The following CLIP1 variants were observed in gnomAD, a reference collection of about 807,000 sequenced individuals.
The protein encoded by CLIP1 is CAP-Gly domain containing linker protein 1, also known as CAP-Gly domain-containing linker protein 1.
CLIP1 carries 66 observed loss-of-function variants against 161.6 expected under a neutral mutation model. That is an observed-to-expected ratio of 0.41 (90% CI 0.33 to 0.50). The LOEUF is 0.50. Among genes scored for constraint, CLIP1 ranks in the 20% least tolerant of loss-of-function variants. The probability of loss-of-function intolerance (pLI) is 0.27; values close to 1 mark genes in which losing one functional copy is unlikely to be tolerated. For missense variants in CLIP1, 1,376 were observed against 1,702.0 expected (o/e 0.81, Z 3.37); for synonymous variants, 598 against 626.2 (o/e 0.96, Z 0.67).
At chr12:122,338,384 T>A (rs116115641) in intron 11 of CLIP1, among the ~76,000 whole-genome samples, 8,713 of 152,196 alleles carry the variant, frequency 0.057, 796 homozygotes, top group African/African-American at 0.2. Flanking sequence ...TATTTGTGTA[T>A]ATGCTTAAAG....
chr12:122,297,911 G>T (rs192561372), intron 20 of CLIP1, among the ~76,000 whole-genome samples: 3 of 152,260 alleles, frequency 2.0e-5, no homozygotes, highest in African/African-American at 7.2e-5. Flanking sequence ...TTCCGGCAGG[G>T]TCATGTCGCC....
intron 21 of CLIP1, among the ~76,000 whole-genome samples, chr12:122,283,545 G>A (rs927585245): frequency 4.1e-5 from 6 of 147,692 alleles, no homozygotes; most frequent in Non-Finnish European, 5.9e-5. Context: ...TGTAACCTCC[G>A]CCTCCTGAGT....
chr12:122,333,730 G>A (rs1952089871), intron 14 of CLIP1, among the ~76,000 whole-genome samples: 1 of 152,200 alleles, frequency 6.6e-6, no homozygotes, highest in Non-Finnish European at 1.5e-5. Context: ...CAGCAGCAGT[G>A]AGCCCCAAGG....
At chr12:122,351,027 G>A in intron 9 of CLIP1, 84 bp downstream of exon 9, 1 of 1,032,914 alleles carries the variant, frequency 9.7e-7, no homozygotes, top group Non-Finnish European at 1.4e-6. Context: ...TGCAGTTAGT[G>A]TTTGAGTATA....
At chr12:122,291,378 C>T (rs981027354) in intron 20 of CLIP1, among the ~76,000 whole-genome samples, 80 of 135,782 alleles carry the variant, frequency 5.9e-4, no homozygotes, top group Middle Eastern at 4.9e-3. Context: ...TTAGTAGAGA[C>T]GGGGTTTCAT....
chr12:122,355,400 G>A lies in CLIP1; in HGVS notation c.1006-88C>T, dbSNP rs1566162154. ...ATGCATGCATGGCGGGCATCTGCTC[G>A]GCAAAGCAAGGGCGCTGCTCCAGCT... On this transcript the variant is annotated intron_variant, in intron 5 of 25. Coordinates refer to ENST00000620786, the MANE Select transcript of CLIP1 (RefSeq NM_001247997.2). This position sits in a 1 kb window ranked among gnomAD's most constrained non-coding sequence, Gnocchi z 4.1. The A allele has an allele frequency of 9.2e-6, 11 of 1,198,532 alleles. No individual in the cohort carries two copies. Among genetic ancestry groups the A allele is most frequent in the South Asian group, 1.4e-5 (1 of 72,366 alleles). The allele number at this position is 1,198,532 out of a possible 1,614,324, so 74.2% of individuals were successfully genotyped here.
At chr12:122,349,928 G>A (rs756159069) in intron 9 of CLIP1, among the ~76,000 whole-genome samples, 3 of 150,930 alleles carry the variant, frequency 2.0e-5, no homozygotes, top group African/African-American at 7.3e-5. Flanking sequence ...TTTTGAGATG[G>A]AGTTTTGTTC....
Position 122,360,822 on chromosome 12 carries a change from A to C in CLIP1, c.1005+137T>G, listed in dbSNP as rs1953745169. On this transcript the variant is annotated intron_variant, in intron 5 of 25. Coordinates refer to ENST00000620786, the MANE Select transcript of CLIP1 (RefSeq NM_001247997.2). ...TACATTTTTCAAAACTTACTTGCAAAGACTTTCACAGCAAAAGCTGTGAGC... is the reference window on the plus strand; with the variant it reads ...TACATTTTTCAAAACTTACTTGCAACGACTTTCACAGCAAAAGCTGTGAGC... 6.4e-5 allele frequency: 45 copies of C among 705,682 alleles called. No individual in the cohort carries two copies. In the South Asian group the frequency reaches 1.1e-3, roughly 17 times the overall value. 43.7% of individuals were successfully genotyped at this position (705,682 alleles called of 1,614,324 possible). A position where few individuals can be genotyped will look rare whatever the true frequency, so the allele number is the denominator to read the frequency against.
chr12:122,392,872 C>T (rs1351176575), intron 1 of CLIP1, among the ~76,000 whole-genome samples: 1 of 152,022 alleles, frequency 6.6e-6, no homozygotes, highest in African/African-American at 2.4e-5. Context: ...ACTTCCACCT[C>T]CCAGGCTCAA....
At chr12:122,321,944 A>G (rs904198237) in intron 17 of CLIP1, among the ~76,000 whole-genome samples, 8 of 152,224 alleles carry the variant, frequency 5.3e-5, no homozygotes, top group African/African-American at 1.9e-4. Context: ...GATACTTAGT[A>G]AAGAATCCCC....
chr12:122,298,018 C>T (rs1950539205), intron 20 of CLIP1, among the ~76,000 whole-genome samples: 1 of 152,206 alleles, frequency 6.6e-6, no homozygotes, highest in Non-Finnish European at 1.5e-5. Context: ...ATGGCCACTC[C>T]AGCTCCAGAG....
chr12:122,422,008 G>A (rs1055058246), intron 1 of CLIP1, among the ~76,000 whole-genome samples: 1 of 152,182 alleles, frequency 6.6e-6, no homozygotes. Context: ...GGGGCAGCGG[G>A]GGAGGCCGGG....
chr12:122,333,505 A>T (rs1213288387), intron 14 of CLIP1, among the ~76,000 whole-genome samples: 1 of 152,188 alleles, frequency 6.6e-6, no homozygotes, highest in Non-Finnish European at 1.5e-5. Flanking sequence ...GAGCACCACA[A>T]GGAGGCTGAA....
intron 20 of CLIP1, among the ~76,000 whole-genome samples, chr12:122,295,033 G>C (rs953699272): frequency 1.3e-5 from 2 of 150,704 alleles, no homozygotes; most frequent in African/African-American, 2.4e-5. Flanking sequence ...TCCAGCCTGG[G>C]AGACAGAGCG....
chr12:122,314,784 C>T (rs879609022), intron 19 of CLIP1, among the ~76,000 whole-genome samples: 2 of 152,218 alleles, frequency 1.3e-5, no homozygotes, highest in African/African-American at 2.4e-5. Flanking sequence ...TCTGTACCTG[C>T]ACCCTGCTTC....
chr12:122,278,238 G>A lies in CLIP1; in HGVS notation c.3917-35C>T, dbSNP rs751339003. ...GAGGAAAAAAAAAAAAAAACAAGTG[G>A]AGGGAGAATATATGTATATTTTTAA... On this transcript the variant is annotated intron_variant, in intron 23 of 25. Transcript: ENST00000620786. The A allele has an allele frequency of 2.0e-5, 27 of 1,375,048 alleles. No homozygotes were observed. The South Asian group carries it at 2.6e-4, about 13-fold the overall frequency. 85.2% of individuals were successfully genotyped at this position (1,375,048 alleles called of 1,614,324 possible).
chr12:122,376,126 C>CG (rs1954716999), intron 3 of CLIP1, among the ~76,000 whole-genome samples: 1 of 151,954 alleles, frequency 6.6e-6, no homozygotes, highest in South Asian at 2.1e-4. Flanking sequence ...TTAGTAGAGA[C>CG]GGGGTGTCGC....
At chr12:122,282,759 A>G (rs1955697066) in intron 21 of CLIP1, among the ~76,000 whole-genome samples, 1 of 152,200 alleles carries the variant, frequency 6.6e-6, no homozygotes, top group Admixed American at 6.6e-5. Flanking sequence ...CAAAAAATAT[A>G]TACAACAATT....
At chr12:122,367,013 G>A (rs1954206928) in intron 3 of CLIP1, among the ~76,000 whole-genome samples, 1 of 152,166 alleles carries the variant, frequency 6.6e-6, no homozygotes, top group Admixed American at 6.5e-5. Flanking sequence ...CAGAGCAGCA[G>A]TCCAGCCAGC....
Sources: gnomAD v4.1 joint callset for allele counts (sites outside exome capture counted in the v4.1 genomes callset) on GRCh38, gnomAD v4.1.1 for gene constraint, Gnocchi (gnomAD v3.1) non-coding constraint, MANE v1.5 for transcripts, NCBI Gene and HGNC (gene_info 2026-07-23, HGNC 2026-07-21) for gene names.